The following ATP8A2 variants were observed in gnomAD, a reference collection of about 807,000 sequenced individuals.
ATP8A2 encodes ATPase phospholipid transporting 8A2, also known as phospholipid-transporting ATPase IB.
Under a neutral mutation model 165.6 loss-of-function variants are expected in ATP8A2, and 100 were observed. That is an observed-to-expected ratio of 0.60 (90% CI 0.51 to 0.71). ATP8A2 has a LOEUF of 0.71. ATP8A2 is among the 30% of genes least tolerant of loss of function. The pLI, the probability that ATP8A2 is intolerant of heterozygous loss-of-function variation, is 0.00. For missense variants in ATP8A2, 1,227 were observed against 1,479.5 expected (o/e 0.83, Z 2.80); for synonymous variants, 543 against 548.8 (o/e 0.99, Z 0.15).
chr13:26,009,617 G>A (rs1342147642), intron 35 of ATP8A2, among the ~76,000 whole-genome samples: 1 of 152,102 alleles, frequency 6.6e-6, no homozygotes, highest in Non-Finnish European at 1.5e-5. Flanking sequence ...CATTGAGCAG[G>A]GACTTCTAGG....
chr13:25,745,785 A>T (rs781216262), intron 25 of ATP8A2, among the ~76,000 whole-genome samples: 4 of 152,214 alleles, frequency 2.6e-5, no homozygotes, highest in Non-Finnish European at 5.9e-5. Context: ...TTATTCTTTA[A>T]GTAAGATTAC....
chr13:25,651,225 A>G (rs1222608690), intron 24 of ATP8A2, among the ~76,000 whole-genome samples: 2 of 152,144 alleles, frequency 1.3e-5, no homozygotes, highest in African/African-American at 2.4e-5. Flanking sequence ...TGGGTGGATC[A>G]TGAGGTCAAG....
At chr13:25,938,608 C>T (rs74042215) in intron 33 of ATP8A2, among the ~76,000 whole-genome samples, 2,922 of 152,206 alleles carry the variant, frequency 0.019, 106 homozygotes, top group African/African-American at 0.065. Flanking sequence ...CGGAATGGAT[C>T]GCCAGCTCCT....
chr13:25,567,320 C>T, intron 16 of ATP8A2: 1 of 456,720 alleles, frequency 2.2e-6, no homozygotes, highest in Non-Finnish European at 4.4e-6. Flanking sequence ...CCTTCCCCTA[C>T]CCACTGCTTT....
intron 24 of ATP8A2, among the ~76,000 whole-genome samples, chr13:25,674,270 C>T (rs1014413620): frequency 6.6e-6 from 1 of 152,078 alleles, no homozygotes; most frequent in Non-Finnish European, 1.5e-5. Context: ...ATGTGTCCCC[C>T]CCCGAAAACT....
At chr13:25,528,777 C>CATATGCAACTTGTGTATGCAT (rs1566224711) in intron 2 of ATP8A2, among the ~76,000 whole-genome samples, 1 of 66,810 alleles carries the variant, frequency 1.5e-5, no homozygotes, top group African/African-American at 4.9e-5. Context: ...TGTGTATGCA[C>CATATGCAACTTGTGTATGCAT]ACATATGCAA....
chr13:25,957,357 A>G (rs1955551877), intron 33 of ATP8A2, among the ~76,000 whole-genome samples: 1 of 152,236 alleles, frequency 6.6e-6, no homozygotes, highest in Non-Finnish European at 1.5e-5. Flanking sequence ...AATGTTTGCA[A>G]TCTATCCATC....
chr13:25,877,904 C>T (rs1952861065), intron 33 of ATP8A2, among the ~76,000 whole-genome samples: 1 of 152,224 alleles, frequency 6.6e-6, no homozygotes, highest in African/African-American at 2.4e-5. Context: ...TTTCCAGCGA[C>T]TTCCTAACAG....
chr13:25,659,495 G>T (rs890232814), intron 24 of ATP8A2, among the ~76,000 whole-genome samples: 2 of 152,158 alleles, frequency 1.3e-5, no homozygotes, highest in African/African-American at 4.8e-5. Flanking sequence ...AATCCCAGGG[G>T]CTTGCCCTGA....
chr13:25,587,204 TAA>T (rs76568302), intron 23 of ATP8A2, among the ~76,000 whole-genome samples: 7,286 of 152,260 alleles, frequency 0.048, 186 homozygotes, highest in African/African-American at 0.053. Flanking sequence ...ATTGACACAA[TAA>T]ATAATTTGCT....
chr13:25,758,543 C>T (rs949287584), intron 25 of ATP8A2, among the ~76,000 whole-genome samples: 1 of 152,206 alleles, frequency 6.6e-6, no homozygotes, highest in African/African-American at 2.4e-5. Flanking sequence ...ATTATGTCAA[C>T]TACTATTATA....
chr13:25,655,279 C>T (rs534580683), intron 24 of ATP8A2, among the ~76,000 whole-genome samples: 43 of 152,338 alleles, frequency 2.8e-4, no homozygotes, highest in Admixed American at 2.3e-3. Flanking sequence ...CCTGCCTTAG[C>T]TTCCCAAGTA....
intron 2 of ATP8A2, chr13:25,517,318 A>G (rs575988104): frequency 6.6e-6 from 1 of 152,308 alleles, no homozygotes; most frequent in East Asian, 1.9e-4. Context: ...AATATCTGAT[A>G]TCTTGCATTT....
chr13:25,699,058 A>G (rs900001837), intron 24 of ATP8A2, 115 bp from the exon 25 acceptor site: 17 of 775,558 alleles, frequency 2.2e-5, no homozygotes, highest in Non-Finnish European at 3.3e-5. Flanking sequence ...AACTGATAGT[A>G]TATTTATATT....
intron 1 of ATP8A2, among the ~76,000 whole-genome samples, chr13:25,456,008 G>C (rs1050056722): frequency 6.6e-6 from 1 of 152,140 alleles, no homozygotes; most frequent in African/African-American, 2.4e-5. Context: ...ATCTGGCTAT[G>C]GGGTGGAGGA....
At chr13:25,990,793 A>G (rs1956374334) in intron 35 of ATP8A2, among the ~76,000 whole-genome samples, 2 of 152,234 alleles carry the variant, frequency 1.3e-5, no homozygotes, top group African/African-American at 4.8e-5. Context: ...CCCTATTTGT[A>G]AATGCACAGA....
intron 33 of ATP8A2, among the ~76,000 whole-genome samples, chr13:25,945,918 G>A (rs1488418008): frequency 6.6e-6 from 1 of 152,100 alleles, no homozygotes; most frequent in Non-Finnish European, 1.5e-5. Flanking sequence ...TTTGGGGTCG[G>A]GGAGGAGTAG....
chr13:25,437,385 G>C (rs907748892), intron 1 of ATP8A2, among the ~76,000 whole-genome samples: 1 of 152,112 alleles, frequency 6.6e-6, no homozygotes, highest in Admixed American at 6.5e-5. Context: ...GATGGATTTG[G>C]AACAAGGTTT....
intron 2 of ATP8A2, among the ~76,000 whole-genome samples, chr13:25,493,969 G>A (rs902987871): frequency 2.0e-5 from 3 of 152,126 alleles, no homozygotes; most frequent in African/African-American, 7.2e-5. Context: ...TTGGGAGTCG[G>A]TTTGTGTGTG....
Sources: allele counts gnomAD v4.1 joint callset (sites outside exome capture counted in the v4.1 genomes callset), GRCh38; gene constraint gnomAD v4.1.1; transcripts MANE v1.5; gene names NCBI Gene and HGNC (gene_info 2026-07-23, HGNC 2026-07-21).